ZNF618: variants seen among roughly 807,000 people sequenced by gnomAD.
ZNF618 encodes the protein zinc finger protein 618, also known as neural precursor cell expressed, developmentally down-regulated 10.
ZNF618 carries 34 observed loss-of-function variants against 103.0 expected under a neutral mutation model. The ratio of observed to expected loss-of-function variants is 0.33; its 90% CI spans 0.25 to 0.44. ZNF618 has a LOEUF of 0.44. Ranked by LOEUF, ZNF618 falls within the 20% of genes least tolerant of loss-of-function variation. ZNF618 has a pLI of 1.00. For synonymous variants in ZNF618, 551 were observed against 542.2 expected, an observed-to-expected ratio of 1.02 and a Z score of -0.23; for missense variants, 1,059 against 1,295.4, an observed-to-expected ratio of 0.82 and a Z score of 2.80.
intron 1 of ZNF618, among the ~76,000 whole-genome samples, chr9:113,951,743 G>T (rs1835801710): frequency 6.6e-6 from 1 of 151,720 alleles, no homozygotes; most frequent in Non-Finnish European, 1.5e-5. Flanking sequence ...TTCCCATCTT[G>T]GAGTCGTGTC....
intron 3 of ZNF618, among the ~76,000 whole-genome samples, chr9:113,993,093 C>T (rs917394902): frequency 6.6e-6 from 1 of 152,194 alleles, no homozygotes; most frequent in African/African-American, 2.4e-5. Context: ...TTAACAGACG[C>T]CTGCACCCAT....
chr9:114,038,357 T>G (rs1360882088), intron 13 of ZNF618, among the ~76,000 whole-genome samples: 1 of 152,220 alleles, frequency 6.6e-6, no homozygotes, highest in East Asian at 1.9e-4. Flanking sequence ...CCAAGCATCT[T>G]GACTTGTTTT....
chr9:113,908,698 C>G (rs535129875), intron 1 of ZNF618, among the ~76,000 whole-genome samples: 1 of 151,950 alleles, frequency 6.6e-6, no homozygotes, highest in African/African-American at 2.4e-5. Flanking sequence ...GTTTGAAGAC[C>G]GCTGTGCAGA....
At chr9:113,882,859 C>T (rs1437158532) in intron 1 of ZNF618, among the ~76,000 whole-genome samples, 1 of 152,168 alleles carries the variant, frequency 6.6e-6, no homozygotes, top group African/African-American at 2.4e-5. Context: ...TCGAGATCAG[C>T]TGCACTTCTT....
At chr9:113,969,746 C>T (rs1040364584) in intron 2 of ZNF618, among the ~76,000 whole-genome samples, 24 of 152,270 alleles carry the variant, frequency 1.6e-4, no homozygotes, top group African/African-American at 5.5e-4. Context: ...TGACAGGTGT[C>T]ACAGGTAGGT....
intron 10 of ZNF618, chr9:114,027,986 G>A (rs967389360): frequency 3.3e-5 from 5 of 152,102 alleles, no homozygotes; most frequent in Non-Finnish European, 5.9e-5. Flanking sequence ...CCAGGTTCAG[G>A]GGCTGGCCAC....
chr9:113,992,850 C>G (rs1840204915), intron 3 of ZNF618, among the ~76,000 whole-genome samples: 1 of 152,160 alleles, frequency 6.6e-6, no homozygotes, highest in Non-Finnish European at 1.5e-5. Flanking sequence ...CATCAGTGCC[C>G]AGGAGGCTGG....
intron 1 of ZNF618, among the ~76,000 whole-genome samples, chr9:113,927,054 G>A (rs1234312362): frequency 6.6e-6 from 1 of 152,088 alleles, no homozygotes; most frequent in Non-Finnish European, 1.5e-5. Context: ...CCAAGTCTAT[G>A]TCATATCCGA....
In ZNF618 at chr9:114,050,126, G is replaced by A. The variant is rs1213534642; in HGVS notation, c.2824G>A (p.Asp942Asn). 1.9e-6 allele frequency: 3 copies of A among 1,585,212 alleles called. No individual in the cohort carries two copies. The highest frequency in any genetic ancestry group is 8.6e-7 in the Non-Finnish European group (1 of 1,165,100). ...IKRRRLLSPEDMNKLMFLKSN... is the reference protein window; with the variant it reads ...IKRRRLLSPENMNKLMFLKSN... The stretch of plus-strand genomic sequence containing the variant: ...ACGGAGGCGGCTGCTCAGTCCAGAA[G>A]ATATGAATAAACTCATGTTTCTGAA... Residue 942 changes from aspartate (D) to asparagine (N), a missense_variant, in exon 15 of 15, where the codon GAT becomes AAT. By Grantham distance (23) the Asp-to-Asn change is conservative. This residue lies in a region of ZNF618 where 156 missense variants were observed against 197.1 expected (regional missense o/e 0.79). Transcript: ENST00000374126.
chr9:113,917,235 C>CTTTTTTTTT (rs56300784), intron 1 of ZNF618, among the ~76,000 whole-genome samples: 24 of 74,250 alleles, frequency 3.2e-4, no homozygotes, highest in South Asian at 1.2e-3. Flanking sequence ...TCTCTCTATC[C>CTTTTTTTTT]TTTTTTTTTT....
At chr9:113,996,538 C>T (rs1455102294) in intron 3 of ZNF618, among the ~76,000 whole-genome samples, 1 of 152,234 alleles carries the variant, frequency 6.6e-6, no homozygotes, top group African/African-American at 2.4e-5. Context: ...ACTAGACCCC[C>T]TGTCCTCGCC....
At chr9:113,948,666 T>C (rs1835274525) in intron 1 of ZNF618, among the ~76,000 whole-genome samples, 1 of 152,220 alleles carries the variant, frequency 6.6e-6, no homozygotes, top group Admixed American at 6.5e-5. Context: ...CATCCACATA[T>C]TTTTGAGGGC....
chr9:113,966,094 TCTATAA>T (rs1238720686), intron 1 of ZNF618, among the ~76,000 whole-genome samples: 1 of 152,218 alleles, frequency 6.6e-6, no homozygotes, highest in African/African-American at 2.4e-5. Flanking sequence ...AATAGTGGCC[TCTATAA>T]CTATAGGGTT....
intron 12 of ZNF618, among the ~76,000 whole-genome samples, chr9:114,035,468 C>T (rs1166406888): frequency 6.6e-6 from 1 of 152,224 alleles, no homozygotes; most frequent in Non-Finnish European, 1.5e-5. Flanking sequence ...TCTGCTGCCC[C>T]AGCCCTGGCA....
chr9:113,997,841 G>A (rs1840768300), intron 3 of ZNF618, among the ~76,000 whole-genome samples: 2 of 152,228 alleles, frequency 1.3e-5, no homozygotes, highest in South Asian at 4.1e-4. Context: ...AGGACTGCCT[G>A]AGCTGAGTCC....
chr9:113,938,751 G>C (rs1321871324), intron 1 of ZNF618, among the ~76,000 whole-genome samples: 1 of 151,742 alleles, frequency 6.6e-6, no homozygotes. Flanking sequence ...TGTATTTTTA[G>C]TAGAGACGGG....
rs377343038 is a variant in ZNF618, at chr9:113,977,587, G to A, written c.77+8427G>A. ...CTCTACTCCATACCTGTCTGTTGGG[G>A]ATATTCTATCTGGGAGACAGAGAGG... On this transcript the variant is annotated intron_variant, in intron 2 of 14. Transcript: ENST00000374126. Among the ~76,000 whole-genome samples the A allele has an allele frequency of 1.5e-4, 23 of 152,272 alleles. No individual in the cohort carries two copies. The East Asian group carries it at 1.7e-3, about 11-fold the overall frequency.
chr9:113,984,012 T>C (rs182801706), intron 2 of ZNF618, among the ~76,000 whole-genome samples: 7 of 152,180 alleles, frequency 4.6e-5, no homozygotes, highest in African/African-American at 2.4e-5. Context: ...GCACCTAATA[T>C]AGGCCTACTG....
At chr9:114,027,143 C>T (rs1008006225) in intron 10 of ZNF618, among the ~76,000 whole-genome samples, 1 of 152,160 alleles carries the variant, frequency 6.6e-6, no homozygotes, top group South Asian at 2.1e-4. Context: ...GACAAGCAAT[C>T]ACCTGGTGGG....
Sources: allele counts gnomAD v4.1 joint callset (sites outside exome capture counted in the v4.1 genomes callset), GRCh38; gene constraint gnomAD v4.1.1; regional missense constraint gnomAD v4.1.1; transcripts MANE v1.5; gene names NCBI Gene and HGNC (gene_info 2026-07-23, HGNC 2026-07-21).